The following GNPAT variants were observed in gnomAD, a reference collection of about 807,000 sequenced individuals.
The protein encoded by GNPAT is dihydroxyacetone phosphate acyltransferase.
In GNPAT, 30 loss-of-function variants were observed where a neutral mutation model predicts 78.4. That is an observed-to-expected ratio of 0.38 (90% confidence interval 0.29 to 0.52). The LOEUF (loss-of-function observed/expected upper bound fraction) is 0.52, where lower values mean the gene tolerates loss of function less well. Among genes scored for constraint, GNPAT ranks in the 20% least tolerant of loss-of-function variants. GNPAT has a pLI of 0.84. For missense variants in GNPAT, 714 were observed against 812.2 expected (o/e 0.88, Z 1.47); for synonymous variants, 271 against 281.1 (o/e 0.96, Z 0.36).
At chr1:231,266,607 A>G (rs1344743659) in intron 8 of GNPAT, among the ~76,000 whole-genome samples, 200 bp downstream of exon 8, 1 of 152,228 alleles carries the variant, frequency 6.6e-6, no homozygotes, top group African/African-American at 2.4e-5. Context: ...AAAAAAGATA[A>G]GCTGTGAGAT....
chr1:231,268,372 G>A (rs1212025789), intron 9 of GNPAT, among the ~76,000 whole-genome samples: 3 of 152,160 alleles, frequency 2.0e-5, no homozygotes, highest in East Asian at 1.9e-4. Flanking sequence ...AACACAGCAC[G>A]TTGATTATTT....
At chr1:231,245,352 C>G (rs1684717457) in intron 1 of GNPAT, among the ~76,000 whole-genome samples, 1 of 152,118 alleles carries the variant, frequency 6.6e-6, no homozygotes, top group South Asian at 2.1e-4. Context: ...TCAAGTGATC[C>G]TCCCTCCTCA....
chr1:231,253,249 G>A (rs528478907), intron 2 of GNPAT, among the ~76,000 whole-genome samples: 27 of 152,090 alleles, frequency 1.8e-4, no homozygotes, highest in African/African-American at 6.3e-4. Flanking sequence ...GATTACAGGC[G>A]TGAGCCGCCA....
intron 11 of GNPAT, 129 bp from the exon 12 acceptor site, chr1:231,273,793 G>A (rs753457726): frequency 1.6e-4 from 116 of 746,220 alleles, no homozygotes; most frequent in Non-Finnish European, 2.5e-4. Flanking sequence ...TCTGTTGTCT[G>A]AGGGCATGTG....
rs757884462 is a variant in GNPAT at position 231,266,195 on chromosome 1, G to A, written c.924+30G>A. The A allele has an allele frequency of 1.9e-6, 3 of 1,613,130 alleles. No homozygotes were observed. The African/African-American group carries it at 4.0e-5, about 22-fold the overall frequency. On this transcript the variant is annotated intron_variant, in intron 7 of 15. Coordinates refer to ENST00000366647, the MANE Select transcript of GNPAT (RefSeq NM_014236.4). ...GTGAGCTTGATTTTAGCTTAATTGA[G>A]AGAATGTGCTGACTGACACATCAAC...
chr1:231,247,410 T>C (rs771240079), intron 1 of GNPAT, among the ~76,000 whole-genome samples: 79 of 151,340 alleles, frequency 5.2e-4, no homozygotes, highest in Non-Finnish European at 1.0e-3. Flanking sequence ...CAAATACGAG[T>C]TTAATGAAGT....
chr1:231,256,465 A>G lies in GNPAT; in HGVS notation c.262-4042A>G, dbSNP rs114079733. On this transcript the variant is annotated intron_variant, in intron 2 of 15. Coordinates refer to ENST00000366647, the MANE Select transcript of GNPAT (RefSeq NM_014236.4). ...CTTTCATACGCTGTCAGTCACTAAG[A>G]CTGCTAATTTTCTCTTTTTTTTTTT... Among the ~76,000 whole-genome samples the G allele has an allele frequency of 9.7e-3, 1,352 of 139,154 alleles. 25 individuals are homozygous for G. Among genetic ancestry groups the G allele is most frequent in the African/African-American group, 0.033 (1,217 of 37,300 alleles). The allele number at this position is 139,154 out of a possible 152,430, so 91.3% of individuals were successfully genotyped here. A position where few individuals can be genotyped will look rare whatever the true frequency, so the allele number is the denominator to read the frequency against.
chr1:231,277,424 C>G, intron 15 of GNPAT, 75 bp from the exon 16 acceptor site: 1 of 878,466 alleles, frequency 1.1e-6, no homozygotes, highest in Non-Finnish European at 2.0e-6. Context: ...CCTGGACAGT[C>G]GCCCAAGGAA....
chr1:231,267,656 G>A lies in GNPAT; in HGVS notation c.1056-24G>A, dbSNP rs138977719. On this transcript the variant is annotated intron_variant, in intron 8 of 15. Transcript: ENST00000366647. Reference sequence around the variant, plus strand: ...TGTCTAAGTAACAGAACTGTAATTTGTTGCTCTGTGCTCTTCCTTTTAGAT... The same window carrying A: ...TGTCTAAGTAACAGAACTGTAATTTATTGCTCTGTGCTCTTCCTTTTAGAT... The A allele has an allele frequency of 1.8e-4, 232 of 1,269,128 alleles. No homozygotes were observed. In the African/African-American group the frequency reaches 1.9e-3, roughly 10 times the overall value. The allele number at this position is 1,269,128 out of a possible 1,614,324, so 78.6% of individuals were successfully genotyped here. A position where few individuals can be genotyped will look rare whatever the true frequency, so the allele number is the denominator to read the frequency against.
chr1:231,277,012 A>G (rs1000683549), intron 15 of GNPAT, among the ~76,000 whole-genome samples: 1 of 152,162 alleles, frequency 6.6e-6, no homozygotes, highest in African/African-American at 2.4e-5. Flanking sequence ...ACGGAAAAGG[A>G]GAATGGATGA....
At chr1:231,252,276 C>G (rs1327363830) in intron 2 of GNPAT, among the ~76,000 whole-genome samples, 2 of 152,052 alleles carry the variant, frequency 1.3e-5, no homozygotes, top group African/African-American at 4.8e-5. Flanking sequence ...CATTTATGAC[C>G]AGTTGGGTGT....
rs1397715401 is a variant in GNPAT, at chr1:231,277,659, G to C, written c.*117G>C. On this transcript the variant is annotated 3_prime_UTR_variant, in exon 16 of 16. Transcript: ENST00000366647. ...ATCCTCTCATACTCCCTGAGACTCT[G>C]AGAACAGTGGACGCAGAGGGAAGAG... is the stretch of plus-strand genomic sequence containing the variant. 4.0e-6 allele frequency: 3 copies of C among 742,314 alleles called. No homozygotes were observed. The highest frequency in any genetic ancestry group is 3.4e-5 in the African/African-American group (2 of 58,198). 46.0% of individuals were successfully genotyped at this position (742,314 alleles called of 1,614,324 possible).
intron 2 of GNPAT, among the ~76,000 whole-genome samples, chr1:231,252,933 C>G (rs1433440817): frequency 6.6e-6 from 1 of 152,060 alleles, no homozygotes; most frequent in Admixed American, 6.6e-5. Context: ...AAGGCCTCTC[C>G]CTGACTTTGC....
chr1:231,273,908 C>T lies in GNPAT; in HGVS notation c.1603-14C>T, dbSNP rs771936669. ...TAACCTAGATGAACATTATGGCTTCCTCTTCCCTTCTAGGACTTTGAAGAA... is the reference window on the plus strand; with the variant it reads ...TAACCTAGATGAACATTATGGCTTCTTCTTCCCTTCTAGGACTTTGAAGAA... On this transcript the variant is annotated splice_polypyrimidine_tract_variant and intron_variant, in intron 11 of 15. Transcript: ENST00000366647. The T allele has an allele frequency of 1.9e-5, 30 of 1,610,342 alleles. No homozygotes were observed. Among genetic ancestry groups the T allele is most frequent in the Non-Finnish European group, 2.4e-5 (28 of 1,176,946 alleles).
intron 12 of GNPAT, chr1:231,274,971 A>C: frequency 2.4e-6 from 1 of 422,860 alleles, no homozygotes; most frequent in Non-Finnish European, 4.4e-6. Flanking sequence ...TACCCCTTGA[A>C]GTGAGAAATT....
rs371107202 is a variant in GNPAT at position 231,265,432 on chromosome 1, T to A, written c.696+12T>A. On this transcript the variant is annotated intron_variant, in intron 5 of 15. Coordinates refer to ENST00000366647, the MANE Select transcript of GNPAT (RefSeq NM_014236.4). ...AAACTATGTTACGGGTAAATGCAAATAATTCCCAACTACTCTTAAGCCATA... is the reference window on the plus strand; with the variant it reads ...AAACTATGTTACGGGTAAATGCAAAAAATTCCCAACTACTCTTAAGCCATA... 6.3e-7 allele frequency: 1 copy of A among 1,595,470 alleles called. No individual in the cohort carries two copies. The highest frequency in any genetic ancestry group is 1.3e-5 in the African/African-American group (1 of 74,524).
At chr1:231,243,876 G>T in intron 1 of GNPAT, among the ~76,000 whole-genome samples, 1 of 151,902 alleles carries the variant, frequency 6.6e-6, no homozygotes, top group South Asian at 2.1e-4. Flanking sequence ...GTGTGTGTGT[G>T]TGTATACACA....
At chr1:231,273,716 G>A (rs981572660) in intron 11 of GNPAT, among the ~76,000 whole-genome samples, 1 of 152,212 alleles carries the variant, frequency 6.6e-6, no homozygotes, top group African/African-American at 2.4e-5. Flanking sequence ...TGAATGTAGA[G>A]CAGATGCTTC....
chr1:231,262,154 C>T (rs531286403), intron 3 of GNPAT, among the ~76,000 whole-genome samples: 2 of 152,346 alleles, frequency 1.3e-5, no homozygotes, highest in Admixed American at 1.3e-4. Context: ...TTCACCCTGG[C>T]AGTGAGTCCA....
Sources: allele counts gnomAD v4.1 joint callset (sites outside exome capture counted in the v4.1 genomes callset), GRCh38; gene constraint gnomAD v4.1.1; transcripts MANE v1.5; gene names NCBI Gene and HGNC (gene_info 2026-07-23, HGNC 2026-07-21).